The following CDH13 variants were observed in gnomAD, a reference collection of about 807,000 sequenced individuals.
CDH13 encodes the protein cadherin-13.
A neutral mutation model predicts 63.8 loss-of-function variants in CDH13; 24 were observed. The ratio of observed to expected loss-of-function variants is 0.38; its 90% confidence interval spans 0.27 to 0.53. The LOEUF is 0.53. CDH13 is among the 20% of genes least tolerant of loss of function. The pLI, the probability that CDH13 is intolerant of heterozygous loss-of-function variation, is 0.85. For missense variants in CDH13, 1,049 were observed against 903.1 expected (o/e 1.16, Z -2.07); for synonymous variants, 503 against 355.3 (o/e 1.42, Z -4.67).
In CDH13 at chr16:82,909,117, G is replaced by A. The variant is rs77409875; in HGVS notation, c.157+50644G>A. 6.4e-3 allele frequency among the ~76,000 whole-genome samples: 977 copies of A among 152,188 alleles called. 9 individuals carry two copies. Among genetic ancestry groups the A allele is most frequent in the African/African-American group, 0.022 (916 of 41,500 alleles). ...ATACAATGTAAATACTTTGTAAATA[G>A]TTGTACTGTATTTTAAAATTTGTAT... is the stretch of plus-strand genomic sequence containing the variant. On this transcript the variant is annotated intron_variant, in intron 2 of 13. Coordinates refer to ENST00000567109, the MANE Select transcript of CDH13 (RefSeq NM_001257.5).
At chr16:83,160,267 G>A (rs1244479142) in intron 4 of CDH13, among the ~76,000 whole-genome samples, 2 of 152,040 alleles carry the variant, frequency 1.3e-5, no homozygotes, top group African/African-American at 4.8e-5. Flanking sequence ...GGTAATGAGG[G>A]AGGCTACATG....
At position 83,584,244 on chromosome 16, in the gene CDH13, G is replaced by A. The variant is rs145687787; in HGVS notation, c.961-18210G>A. ...CTAAGGAGGCTGAGGCAGGAGAATG[G>A]CGTGAACCCAGGAGGCGGAGCTTGC... On this transcript the variant is annotated intron_variant, in intron 7 of 13. Coordinates refer to ENST00000567109, the MANE Select transcript of CDH13 (RefSeq NM_001257.5). Among the ~76,000 whole-genome samples the A allele has an allele frequency of 1.8e-3, 266 of 151,980 alleles. 1 individual carries two copies. The highest frequency in any genetic ancestry group is 1.6e-3 in the Non-Finnish European group (107 of 67,936).
chr16:83,299,288 C>T (rs1220113169), intron 5 of CDH13, among the ~76,000 whole-genome samples: 2 of 15,396 alleles, frequency 1.3e-4, no homozygotes, highest in Admixed American at 2.1e-3. Flanking sequence ...GTTTATCAGG[C>T]CATGAAAAAA....
chr16:82,865,364 C>T (rs1410178078), intron 2 of CDH13, among the ~76,000 whole-genome samples: 1 of 152,214 alleles, frequency 6.6e-6, no homozygotes, highest in East Asian at 1.9e-4. Flanking sequence ...TCTGCCTCTG[C>T]AACAAACTTT....
chr16:83,196,697 T>C (rs1197839110), intron 4 of CDH13, among the ~76,000 whole-genome samples: 1 of 152,170 alleles, frequency 6.6e-6, no homozygotes, highest in African/African-American at 2.4e-5. Flanking sequence ...ATGTTCCAAC[T>C]CATTAGCCAT....
chr16:83,487,197 C>T (rs989275799), intron 7 of CDH13, among the ~76,000 whole-genome samples: 36 of 152,338 alleles, frequency 2.4e-4, no homozygotes, highest in African/African-American at 7.2e-4. Flanking sequence ...GGTCACATGT[C>T]ACAAACAGGT....
At chr16:83,227,654 C>A (rs1199984151) in intron 5 of CDH13, among the ~76,000 whole-genome samples, 2 of 152,134 alleles carry the variant, frequency 1.3e-5, no homozygotes, top group African/African-American at 4.8e-5. Context: ...GAGCAAAACC[C>A]CCAGGTAAAA....
In CDH13 at chr16:82,695,516, C is replaced by G. The variant is rs186310289; in HGVS notation, c.45+68379C>G. Among the ~76,000 whole-genome samples the G allele has an allele frequency of 3.5e-3, 533 of 152,226 alleles. 5 individuals carry two copies. Among genetic ancestry groups the G allele is most frequent in the Middle Eastern group, 6.8e-3 (2 of 294 alleles). On this transcript the variant is annotated intron_variant, in intron 1 of 13. Transcript: ENST00000567109. ...GGAAGGACTTCACCTCTTGTCTGTC[C>G]CTTAGCTTTGGTGTGTGCTGCTCCT...
chr16:82,942,996 A>G (rs1904314642), intron 2 of CDH13, among the ~76,000 whole-genome samples: 1 of 152,200 alleles, frequency 6.6e-6, no homozygotes, highest in African/African-American at 2.4e-5. Context: ...TTGTATGCCT[A>G]ACTAAGAATG....
Position 83,314,288 on chromosome 16 carries a change from A to ATT in CDH13, c.637-30566_637-30565dup, listed in dbSNP as rs5818438. ...TAGGGTGATGATTCACAAAAATGTG[A>ATT]TTTTTTTTTCTTTCAAATGTGTCTT... On this transcript the variant is annotated intron_variant, in intron 5 of 13. Coordinates refer to ENST00000567109, the MANE Select transcript of CDH13 (RefSeq NM_001257.5). 5.9e-5 allele frequency among the ~76,000 whole-genome samples: 9 copies of ATT among 151,702 alleles called. No homozygotes were observed. In the East Asian group the frequency reaches 9.7e-4, roughly 16 times the overall value.
chr16:82,792,462 T>C (rs897081463), intron 1 of CDH13, among the ~76,000 whole-genome samples: 1 of 152,156 alleles, frequency 6.6e-6, no homozygotes, highest in Non-Finnish European at 1.5e-5. Context: ...TGTGTGCAAG[T>C]CCCAATACAC....
intron 5 of CDH13, among the ~76,000 whole-genome samples, chr16:83,265,832 G>C (rs2151840367): frequency 7.3e-6 from 1 of 137,476 alleles, no homozygotes; most frequent in Middle Eastern, 4.3e-3. Flanking sequence ...AAGCACTAAA[G>C]GCTCTTTAGG....
At chr16:83,392,630 C>T (rs2091810469) in intron 6 of CDH13, among the ~76,000 whole-genome samples, 1 of 152,174 alleles carries the variant, frequency 6.6e-6, no homozygotes, top group African/African-American at 2.4e-5. Context: ...AGTTCCAAGC[C>T]CTCATCTGGG....
At chr16:83,169,258 C>T (rs2037819426) in intron 4 of CDH13, among the ~76,000 whole-genome samples, 1 of 151,830 alleles carries the variant, frequency 6.6e-6, no homozygotes, top group Non-Finnish European at 1.5e-5. Context: ...CTCACTGCAA[C>T]CTCCACCTCC....
chr16:83,494,987 T>G (rs2074101872), intron 7 of CDH13, among the ~76,000 whole-genome samples: 1 of 151,642 alleles, frequency 6.6e-6, no homozygotes, highest in Non-Finnish European at 1.5e-5. Context: ...GTCAGGAAAC[T>G]TTTTTTTTAA....
intron 10 of CDH13, among the ~76,000 whole-genome samples, chr16:83,684,875 G>T (rs1904289191): frequency 6.6e-6 from 1 of 152,166 alleles, no homozygotes. Flanking sequence ...AGAGCAGACG[G>T]AAGTTGATTT....
chr16:83,230,760 C>T (rs1402976339), intron 5 of CDH13, among the ~76,000 whole-genome samples: 2 of 152,176 alleles, frequency 1.3e-5, no homozygotes, highest in African/African-American at 2.4e-5. Flanking sequence ...GCTCTCCAGT[C>T]TGGTGACAGA....
In CDH13 at chr16:82,715,916, C is replaced by T. The variant is rs1240961861; in HGVS notation, c.45+88779C>T. Among the ~76,000 whole-genome samples the T allele has an allele frequency of 4.6e-5, 7 of 152,224 alleles. No individual in the cohort carries two copies. In the East Asian group the frequency reaches 1.2e-3, roughly 25 times the overall value. On this transcript the variant is annotated intron_variant, in intron 1 of 13. Coordinates refer to ENST00000567109, the MANE Select transcript of CDH13 (RefSeq NM_001257.5). ...TGCCCTTTCTTCTTTAGCCACATCA[C>T]AGTGTTACCAGATGCCTTTTATGAG...
At chr16:83,059,582 A>G (rs2031307892) in intron 3 of CDH13, among the ~76,000 whole-genome samples, 1 of 152,140 alleles carries the variant, frequency 6.6e-6, no homozygotes, top group African/African-American at 2.4e-5. Flanking sequence ...CAGAGCAGGC[A>G]CAAGACGGTT....
Sources: gnomAD v4.1 joint callset for allele counts (sites outside exome capture counted in the v4.1 genomes callset) on GRCh38, gnomAD v4.1.1 for gene constraint, MANE v1.5 for transcripts, NCBI Gene and HGNC (gene_info 2026-07-23, HGNC 2026-07-21) for gene names.